Variants in LRRC37A2 observed in about 807,000 individuals in gnomAD.
LRRC37A2 encodes the protein leucine-rich repeat-containing protein 37A2.
LRRC37A2 carries 9 observed loss-of-function variants against 68.8 expected under a neutral mutation model. That is an observed-to-expected ratio of 0.13 (90% CI 0.08 to 0.23). The LOEUF is 0.23. Among genes scored for constraint, LRRC37A2 ranks in the 10% least tolerant of loss-of-function variants. The pLI, the probability that LRRC37A2 is intolerant of heterozygous loss-of-function variation, is 1.00. For synonymous variants in LRRC37A2, 63 were observed against 367.6 expected (o/e 0.17, Z 9.48); for missense variants, 168 against 950.4 (o/e 0.18, Z 10.82).
At chr17:46,708,652 C>T in the LRRC37A2 span, among the ~76,000 whole-genome samples, 19 of 149,752 alleles carry the variant, frequency 1.3e-4, no homozygotes, top group South Asian at 2.1e-4. Flanking sequence ...TCACCATGCC[C>T]GGCTAATTTT....
chr17:46,903,132 T>C, the LRRC37A2 span, among the ~76,000 whole-genome samples: 1 of 151,906 alleles, frequency 6.6e-6, no homozygotes. Flanking sequence ...AAATACAAAA[T>C]TATCCAGGTA....
the LRRC37A2 span, chr17:46,762,622 G>A: frequency 1.3e-5 from 2 of 150,364 alleles, no homozygotes; most frequent in African/African-American, 4.9e-5. Flanking sequence ...TAACTCAAAG[G>A]TATATACATT....
the LRRC37A2 span, among the ~76,000 whole-genome samples, chr17:46,974,732 TCA>T: frequency 3.8e-5 from 2 of 52,636 alleles, no homozygotes; most frequent in Non-Finnish European, 9.3e-5. Flanking sequence ...AGACTCTCTC[TCA>T]AAAAAAAAAA....
At chr17:46,911,364 AG>A in the LRRC37A2 span, 1 of 152,216 alleles carries the variant, frequency 6.6e-6, no homozygotes, top group African/African-American at 2.4e-5. Context: ...GGCTCCCCAG[AG>A]GGGTGAAGTA....
the LRRC37A2 span, among the ~76,000 whole-genome samples, chr17:46,801,344 G>A: frequency 6.6e-6 from 1 of 152,346 alleles, no homozygotes; most frequent in East Asian, 1.9e-4. Flanking sequence ...AAGTGGCCGG[G>A]CACGGTGGCT....
chr17:46,704,914 G>A, the LRRC37A2 span: 35 of 1,540,594 alleles, frequency 2.3e-5, no homozygotes, highest in East Asian at 1.2e-4. Flanking sequence ...TAACTCAGGC[G>A]AAAAGTAAGT....
the LRRC37A2 span, among the ~76,000 whole-genome samples, chr17:46,886,971 T>C: frequency 6.6e-6 from 1 of 152,064 alleles, no homozygotes; most frequent in African/African-American, 2.4e-5. Context: ...CGTGCACCAC[T>C]ATACCTGGCT....
chr17:46,709,362 G>C, the LRRC37A2 span, among the ~76,000 whole-genome samples: 1 of 152,024 alleles, frequency 6.6e-6, no homozygotes, highest in African/African-American at 2.4e-5. Context: ...GAAATTATGG[G>C]ATATGTAAGG....
chr17:46,765,249 C>T, the LRRC37A2 span, among the ~76,000 whole-genome samples: 1 of 152,224 alleles, frequency 6.6e-6, no homozygotes, highest in African/African-American at 2.4e-5. Context: ...TGAAGGGACA[C>T]ATCCAAGGTC....
chr17:46,724,461 A>G, the LRRC37A2 span, among the ~76,000 whole-genome samples: 3 of 152,232 alleles, frequency 2.0e-5, no homozygotes, highest in African/African-American at 7.2e-5. Context: ...GGAAAGGAGT[A>G]TGGTGAATCA....
At chr17:46,929,267 G>C in the LRRC37A2 span, among the ~76,000 whole-genome samples, 3 of 152,140 alleles carry the variant, frequency 2.0e-5, no homozygotes, top group Non-Finnish European at 2.9e-5. Context: ...TTTCCTCATA[G>C]GGTTATTGAT....
the LRRC37A2 span, chr17:46,773,619 T>TGGGGGGGGGGGGGGGGGGGGGGGGGG: frequency 5.5e-6 from 3 of 549,848 alleles, no homozygotes; most frequent in Non-Finnish European, 9.7e-6. Context: ...ACAGTCCTGA[T>TGGGGGGGGGGGGGGGGGGGGGGGGGG]CCCTCCCCCC....
At chr17:46,727,752 A>G in the LRRC37A2 span, among the ~76,000 whole-genome samples, 2 of 152,146 alleles carry the variant, frequency 1.3e-5, no homozygotes, top group Non-Finnish European at 2.9e-5. Context: ...TCTTAACACA[A>G]TTGAGGTGTG....
chr17:46,540,609 AGT>A (rs2055143067), intron 7 of LRRC37A2, among the ~76,000 whole-genome samples, 196 bp from the exon 7 acceptor site: 1 of 134,976 alleles, frequency 7.4e-6, no homozygotes, highest in Non-Finnish European at 1.5e-5. Context: ...AAAAAAAAAA[AGT>A]GTCAGTTCTG....
At chr17:46,667,259 A>G in the LRRC37A2 span, among the ~76,000 whole-genome samples, 1 of 127,984 alleles carries the variant, frequency 7.8e-6, no homozygotes, top group Non-Finnish European at 1.7e-5. Context: ...TACTATTATT[A>G]TTTCCAGCTA....
At chr17:46,843,681 C>G in the LRRC37A2 span, among the ~76,000 whole-genome samples, 1 of 152,186 alleles carries the variant, frequency 6.6e-6, no homozygotes, top group Non-Finnish European at 1.5e-5. Flanking sequence ...TCTCTGTGCC[C>G]ATTTCCTCAT....
chr17:46,750,035 A>G, the LRRC37A2 span: 1 of 1,083,576 alleles, frequency 9.2e-7, no homozygotes, highest in Non-Finnish European at 1.3e-6. Flanking sequence ...GGGATATTAC[A>G]GGTTGTATAT....
chr17:46,791,775 C>T, the LRRC37A2 span, among the ~76,000 whole-genome samples: 1 of 152,188 alleles, frequency 6.6e-6, no homozygotes, highest in Non-Finnish European at 1.5e-5. Flanking sequence ...CATGGTGGCG[C>T]ATGCCTATAA....
At chr17:47,026,251 A>C in the LRRC37A2 span, among the ~76,000 whole-genome samples, 65 of 152,330 alleles carry the variant, frequency 4.3e-4, no homozygotes, top group Non-Finnish European at 8.5e-4. Context: ...GGAGGGCAAA[A>C]CACAGGAAAG....
Sources: gnomAD v4.1 joint callset for allele counts (sites outside exome capture counted in the v4.1 genomes callset) on GRCh38, gnomAD v4.1.1 for gene constraint, MANE v1.5 for transcripts, NCBI Gene and HGNC (gene_info 2026-07-23, HGNC 2026-07-21) for gene names.